CCDC141: variants seen among roughly 807,000 people sequenced by gnomAD.
CCDC141 encodes coiled-coil domain-containing protein 141.
In CCDC141, 168 loss-of-function variants were observed where a neutral mutation model predicts 181.0. The observed-to-expected ratio is 0.93, with a 90% CI of 0.82 to 1.05. The LOEUF (loss-of-function observed/expected upper bound fraction) is 1.05, where lower values mean the gene tolerates loss of function less well. Ranked by LOEUF, CCDC141 falls within the 50% of genes least tolerant of loss-of-function variation. CCDC141 has a pLI of 0.00. For missense variants in CCDC141, 1,902 were observed against 1,788.5 expected, an observed-to-expected ratio of 1.06 and a Z score of -1.14; for synonymous variants, 666 against 642.3, an observed-to-expected ratio of 1.04 and a Z score of -0.56.
intron 7 of CCDC141, among the ~76,000 whole-genome samples, chr2:178,908,777 C>G (rs1218940975): frequency 6.6e-6 from 1 of 152,160 alleles, no homozygotes; most frequent in Non-Finnish European, 1.5e-5. Flanking sequence ...CTTTTTCTTG[C>G]CTACACATTT....
intron 8 of CCDC141, among the ~76,000 whole-genome samples, chr2:178,890,271 G>A (rs577428006): frequency 6.6e-6 from 1 of 152,194 alleles, no homozygotes; most frequent in East Asian, 1.9e-4. Context: ...GATAAAAGGT[G>A]CCCACTCCCA....
At chr2:178,954,685 A>T (rs1690085748) in intron 5 of CCDC141, among the ~76,000 whole-genome samples, 1 of 152,172 alleles carries the variant, frequency 6.6e-6, no homozygotes, top group Non-Finnish European at 1.5e-5. Context: ...ATTCATCAGT[A>T]ATCTTTGTTC....
At chr2:178,969,155 C>T (rs902338388) in intron 4 of CCDC141, among the ~76,000 whole-genome samples, 5 of 145,072 alleles carry the variant, frequency 3.4e-5, no homozygotes, top group African/African-American at 1.0e-4. Context: ...GGATTCACAG[C>T]TGAATTCTAC....
the CCDC141 span, among the ~76,000 whole-genome samples, chr2:178,815,168 T>A: frequency 6.6e-6 from 1 of 152,164 alleles, no homozygotes. Flanking sequence ...ATGGCAGTGC[T>A]AGCAAACTAA....
At chr2:178,974,931 T>C in intron 4 of CCDC141, 126 bp downstream of exon 4, 1 of 475,326 alleles carries the variant, frequency 2.1e-6, no homozygotes, top group South Asian at 4.8e-5. Context: ...CTTTAACTTT[T>C]CTTGGAACAA....
chr2:178,971,164 C>A (rs763994454), intron 4 of CCDC141, among the ~76,000 whole-genome samples: 4 of 152,100 alleles, frequency 2.6e-5, no homozygotes, highest in African/African-American at 4.8e-5. Flanking sequence ...TCTGAGATTG[C>A]ACCACTGCAC....
intron 2 of CCDC141, among the ~76,000 whole-genome samples, chr2:179,030,353 G>A (rs1413493391): frequency 1.3e-5 from 2 of 151,848 alleles, no homozygotes; most frequent in Non-Finnish European, 2.9e-5. Context: ...ACTAACTATG[G>A]CATATTAACA....
chr2:178,854,469 A>G (rs2154367476), intron 19 of CCDC141, among the ~76,000 whole-genome samples: 1 of 152,330 alleles, frequency 6.6e-6, no homozygotes, highest in East Asian at 1.9e-4. Flanking sequence ...GCTTGCAGTG[A>G]GTCGAGATCA....
intron 8 of CCDC141, among the ~76,000 whole-genome samples, chr2:178,900,724 G>C (rs982701014): frequency 3.3e-5 from 5 of 152,144 alleles, no homozygotes; most frequent in Non-Finnish European, 7.4e-5. Context: ...AAATTCAGCA[G>C]TAAAAAGCTG....
intron 2 of CCDC141, among the ~76,000 whole-genome samples, chr2:178,991,430 A>AT (rs71023465): frequency 0.23 from 35,482 of 151,970 alleles, 5,481 homozygotes; most frequent in Non-Finnish European, 0.34. Flanking sequence ...TCTCTTCAAA[A>AT]TTTTTTTTAA....
chr2:178,902,136 C>T (rs1185126502), intron 8 of CCDC141, among the ~76,000 whole-genome samples: 1 of 152,180 alleles, frequency 6.6e-6, no homozygotes, highest in Non-Finnish European at 1.5e-5. Flanking sequence ...ACATTCCATG[C>T]TCATGGGTAG....
chr2:178,913,174 T>C (rs1688294561), intron 7 of CCDC141, among the ~76,000 whole-genome samples: 1 of 152,168 alleles, frequency 6.6e-6, no homozygotes, highest in Non-Finnish European at 1.5e-5. Context: ...ACTAGCTGAA[T>C]GCAAATATGG....
chr2:178,944,050 T>G (rs753299046), intron 6 of CCDC141, among the ~76,000 whole-genome samples: 1 of 152,100 alleles, frequency 6.6e-6, no homozygotes, highest in African/African-American at 2.4e-5. Context: ...AGAAAAAAAA[T>G]TTTTTAGAAA....
rs542061227 is a variant in CCDC141 at position 178,880,271 on chromosome 2, T to A, written c.1720-2128A>T. On this transcript the variant is annotated intron_variant, in intron 11 of 23. Transcript: ENST00000443758. ...TGATTTAGGTGAATTAATGATAAAC[T>A]TTAAGACTTTATTCATTTGTGATAA... Among the ~76,000 whole-genome samples, 4 of 152,362 alleles carry A rather than the reference T, an allele frequency of 2.6e-5. No homozygotes were observed. The East Asian group carries it at 7.7e-4, about 29-fold the overall frequency.
intron 2 of CCDC141, among the ~76,000 whole-genome samples, chr2:178,992,308 T>C (rs998627064): frequency 2.6e-5 from 4 of 151,048 alleles, no homozygotes; most frequent in African/African-American, 9.7e-5. Flanking sequence ...ATTGGAGAAA[T>C]TTTTATATTT....
intron 2 of CCDC141, among the ~76,000 whole-genome samples, chr2:179,042,755 A>G (rs551806403): frequency 1.9e-4 from 29 of 152,348 alleles, no homozygotes; most frequent in Admixed American, 1.9e-3. Flanking sequence ...AAATGCCGAC[A>G]TCATAAAGCT....
At chr2:178,953,680 G>A (rs534418724) in intron 5 of CCDC141, among the ~76,000 whole-genome samples, 100 of 152,284 alleles carry the variant, frequency 6.6e-4, no homozygotes, top group African/African-American at 2.3e-3. Context: ...GATAGGTTTA[G>A]TATCCCCATT....
At chr2:178,999,634 C>A (rs141322652) in intron 2 of CCDC141, among the ~76,000 whole-genome samples, 1 of 151,986 alleles carries the variant, frequency 6.6e-6, no homozygotes, top group African/African-American at 2.4e-5. Context: ...TAGTCTTATC[C>A]CTGTTGGCTG....
chr2:178,904,792 T>TA lies in CCDC141; in HGVS notation c.1265+536dup, dbSNP rs138706577. 2.5e-3 allele frequency among the ~76,000 whole-genome samples: 383 copies of TA among 152,294 alleles called. 18 individuals carry two copies. The East Asian group carries it at 0.055, about 22-fold the overall frequency. ...TTGATGCATTCACCAAATGTGCTCATAAAACAGGCCCACCTAGAGCACTGT... is the reference window on the plus strand; with the variant it reads ...TTGATGCATTCACCAAATGTGCTCATAAAAACAGGCCCACCTAGAGCACTGT... On this transcript the variant is annotated intron_variant, in intron 8 of 23. Transcript: ENST00000443758.
Sources: gnomAD v4.1 joint callset for allele counts (sites outside exome capture counted in the v4.1 genomes callset) on GRCh38, gnomAD v4.1.1 for gene constraint, MANE v1.5 for transcripts, NCBI Gene and HGNC (gene_info 2026-07-23, HGNC 2026-07-21) for gene names.